The following CHRNA5 variants were observed in gnomAD, a reference collection of about 807,000 sequenced individuals.
The protein encoded by CHRNA5 is cholinergic receptor nicotinic alpha 5 subunit.
In CHRNA5, 28 loss-of-function variants were observed where a neutral mutation model predicts 41.2. The observed-to-expected ratio is 0.68, with a 90% CI of 0.50 to 0.93. The LOEUF (loss-of-function observed/expected upper bound fraction) is 0.93, where lower values mean the gene tolerates loss of function less well. Ranked by LOEUF, CHRNA5 falls within the 40% of genes least tolerant of loss-of-function variation. The pLI is 0.00. For synonymous variants in CHRNA5, 188 were observed against 205.8 expected (o/e 0.91, Z 0.74); for missense variants, 481 against 581.9 (o/e 0.83, Z 1.78).
intron 2 of CHRNA5, among the ~76,000 whole-genome samples, chr15:78,586,180 A>G (rs533163865): frequency 1.3e-4 from 20 of 152,330 alleles, no homozygotes; most frequent in African/African-American, 4.8e-4. Context: ...GATGTCCCTC[A>G]GGGATGTACA....
intron 2 of CHRNA5, among the ~76,000 whole-genome samples, chr15:78,581,611 A>G (rs2052913601): frequency 6.6e-6 from 1 of 152,196 alleles, no homozygotes; most frequent in Non-Finnish European, 1.5e-5. Context: ...GTTTTAAAAT[A>G]ACATTTATAG....
chr15:78,583,213 A>C (rs1429390510), intron 2 of CHRNA5, among the ~76,000 whole-genome samples: 1 of 152,190 alleles, frequency 6.6e-6, no homozygotes, highest in African/African-American at 2.4e-5. Context: ...GACACGATCA[A>C]AGCAGTACTT....
At chr15:78,577,189 G>A (rs1280913780) in intron 1 of CHRNA5, among the ~76,000 whole-genome samples, 1 of 152,180 alleles carries the variant, frequency 6.6e-6, no homozygotes, top group Non-Finnish European at 1.5e-5. Context: ...AAGCCAAGGT[G>A]CCCCTCAGAG....
intron 4 of CHRNA5, 198 bp from the exon 5 acceptor site, chr15:78,589,607 T>C (rs1031329528): frequency 7.5e-5 from 39 of 521,594 alleles, no homozygotes; most frequent in African/African-American, 6.7e-4. Flanking sequence ...GGTTCAGTTC[T>C]AGTAGAGTTA....
chr15:78,578,839 G>A (rs755435838), intron 1 of CHRNA5, among the ~76,000 whole-genome samples: 3 of 152,042 alleles, frequency 2.0e-5, no homozygotes, highest in South Asian at 4.1e-4. Context: ...TGGTTTTTTC[G>A]TAATATCATT....
chr15:78,589,663 G>A (rs1023985829), intron 4 of CHRNA5, 142 bp from the exon 5 acceptor site: 18 of 656,982 alleles, frequency 2.7e-5, no homozygotes, highest in South Asian at 9.2e-5. Flanking sequence ...TATGTAGCAC[G>A]TATATCTTAT....
At position 78,582,923 on chromosome 15, in the gene CHRNA5, A is replaced by G. The variant is rs563241925; in HGVS notation, c.258+1961A>G. Among the ~76,000 whole-genome samples the G allele has an allele frequency of 4.6e-5, 7 of 152,162 alleles. No individual in the cohort carries two copies. In the East Asian group the frequency reaches 1.2e-3, roughly 25 times the overall value. On this transcript the variant is annotated intron_variant, in intron 2 of 5. Coordinates refer to ENST00000299565, the Ensembl canonical transcript of CHRNA5. ...CCTGCCATGTTTACTTCTTGGGAGA[A>G]TTTTCCTACTGGCACTAGCCATTTA... is the stretch of plus-strand genomic sequence containing the variant.
In CHRNA5 at chr15:78,588,399, C is replaced by T; in HGVS notation, c.389C>T (p.Thr130Ile). 6.5e-7 allele frequency: 1 copy of T among 1,531,988 alleles called. No individual in the cohort carries two copies. Among genetic ancestry groups the T allele is most frequent in the Non-Finnish European group, 8.9e-7 (1 of 1,125,766 alleles). The allele number at this position is 1,531,988 out of a possible 1,614,324, so 94.9% of individuals were successfully genotyped here. A position where few individuals can be genotyped will look rare whatever the true frequency, so the allele number is the denominator to read the frequency against. The change falls in exon 4 of 6, where the codon ACA becomes ATA. Residue 130 changes from threonine to isoleucine, a missense_variant. Coordinates refer to ENST00000299565, the Ensembl canonical transcript of CHRNA5. This position sits in a 1 kb window ranked among gnomAD's most constrained non-coding sequence, Gnocchi z 4.1. ...CGTGTTCCTTCAGACTCTGTCTGGA[C>T]ACCAGACATCGTTTTGTTTGATAAG...
At position 78,583,660 on chromosome 15, in the gene CHRNA5, A is replaced by C. The variant is rs961060278; in HGVS notation, c.258+2698A>C. Reference sequence around the variant, plus strand: ...CAGTGAGCCGAGATTGCGCCACTGCACTCCAGCCTGGGCGACAGAGCGAGA... The same window carrying C: ...CAGTGAGCCGAGATTGCGCCACTGCCCTCCAGCCTGGGCGACAGAGCGAGA... On this transcript the variant is annotated intron_variant, in intron 2 of 5. Coordinates refer to ENST00000299565, the Ensembl canonical transcript of CHRNA5. Among the ~76,000 whole-genome samples the C allele has an allele frequency of 7.5e-4, 114 of 151,306 alleles. 1 individual carries two copies. Among genetic ancestry groups the C allele is most frequent in the African/African-American group, 2.6e-3 (108 of 41,192 alleles).
chr15:78,594,346 TA>T (rs2053063902), exon 6 of CHRNA5: 1 of 152,110 alleles, frequency 6.6e-6, no homozygotes, highest in Non-Finnish European at 1.5e-5. Flanking sequence ...GATCTTAGAA[TA>T]GTCAGTCCAC....
intron 2 of CHRNA5, among the ~76,000 whole-genome samples, chr15:78,584,033 A>G (rs1351085602): frequency 2.6e-5 from 4 of 152,166 alleles, no homozygotes; most frequent in Non-Finnish European, 4.4e-5. Context: ...GGGGTAACCA[A>G]GCAGAGAAGT....
chr15:78,590,210 T>C, exon 5 of CHRNA5: 1 of 1,613,960 alleles, frequency 6.2e-7, no homozygotes, highest in South Asian at 1.1e-5. Flanking sequence ...TTGTCTTCTA[T>C]CTTCCTTCAA....
At chr15:78,586,164 G>A (rs562633838) in intron 2 of CHRNA5, among the ~76,000 whole-genome samples, 14 of 152,268 alleles carry the variant, frequency 9.2e-5, no homozygotes, top group Admixed American at 2.0e-4. Flanking sequence ...GCAAATGACT[G>A]TAAGAGATGT....
chr15:78,566,269 C>T (rs562393112), intron 1 of CHRNA5, among the ~76,000 whole-genome samples: 2 of 152,226 alleles, frequency 1.3e-5, no homozygotes, highest in African/African-American at 4.8e-5. Flanking sequence ...CATCCCTGTC[C>T]CCTACCCACC....
intron 2 of CHRNA5, among the ~76,000 whole-genome samples, chr15:78,582,808 A>T (rs1169623405): frequency 6.6e-6 from 1 of 152,140 alleles, no homozygotes. Flanking sequence ...AGATCAAAAG[A>T]TGAATGTTGG....
chr15:78,586,591 AATT>A, intron 2 of CHRNA5, 51 bp from the exon 3 acceptor site: 2 of 1,040,884 alleles, frequency 1.9e-6, no homozygotes, highest in Admixed American at 2.0e-5. Context: ...TTATTTAAAG[AATT>A]ATTGTTTCTG....
rs1338008296 is a variant in CHRNA5, at chr15:78,588,111, G to C, written c.304-203G>C. Among the ~76,000 whole-genome samples, 2 of 152,144 alleles carry C rather than the reference G, an allele frequency of 1.3e-5. No individual in the cohort carries two copies. The highest frequency in any genetic ancestry group is 4.8e-5 in the African/African-American group (2 of 41,442). On this transcript the variant is annotated intron_variant, in intron 3 of 5. Transcript: ENST00000299565. This position sits in a 1 kb window ranked among gnomAD's most constrained non-coding sequence, Gnocchi z 4.1. ...ACATCTAGCTCTGGTTCTCACCTGTGTCTCACAGGGACCATGGTGAGAACC... is the reference window on the plus strand; with the variant it reads ...ACATCTAGCTCTGGTTCTCACCTGTCTCTCACAGGGACCATGGTGAGAACC...
intron 2 of CHRNA5, 127 bp from the exon 3 acceptor site, chr15:78,586,518 G>T: frequency 1.7e-6 from 1 of 592,920 alleles, no homozygotes. Context: ...TAGAGAACCA[G>T]ATTGATGAAT....
At chr15:78,565,642 C>T (rs200645739) in exon 1 of CHRNA5, 2 of 372,274 alleles carry the variant, frequency 5.4e-6, no homozygotes, top group Non-Finnish European at 8.1e-6. Flanking sequence ...ACACTCAGTG[C>T]TCCATTCCCC....
Sources: allele counts gnomAD v4.1 joint callset (sites outside exome capture counted in the v4.1 genomes callset), GRCh38; gene constraint gnomAD v4.1.1; non-coding constraint Gnocchi (gnomAD v3.1); transcripts MANE v1.5; gene names NCBI Gene and HGNC (gene_info 2026-07-23, HGNC 2026-07-21).